Variants in PRPF40B observed in about 807,000 individuals in gnomAD.
The protein encoded by PRPF40B is pre-mRNA processing factor 40B, also known as pre-mRNA-processing factor 40 homolog B.
In PRPF40B, 56 loss-of-function variants were observed where a neutral mutation model predicts 124.5. The observed-to-expected ratio is 0.45, with a 90% CI of 0.36 to 0.56. The LOEUF (loss-of-function observed/expected upper bound fraction) is 0.56. Among genes scored for constraint, PRPF40B ranks in the 20% least tolerant of loss-of-function variants. PRPF40B has a pLI of 0.00. For missense variants in PRPF40B, 1,053 were observed against 1,169.5 expected (o/e 0.90, Z 1.45); for synonymous variants, 443 against 426.4 (o/e 1.04, Z -0.48).
chr12:49,630,640 T>G lies in PRPF40B; in HGVS notation c.84+15T>G, dbSNP rs1448892135. ...CACCACCCTTCGTAAGTTTTATGTCTTTCCCTGGGCTTGGCTTTTCCAGCC... is the reference window on the plus strand; with the variant it reads ...CACCACCCTTCGTAAGTTTTATGTCGTTCCCTGGGCTTGGCTTTTCCAGCC... On this transcript the variant is annotated intron_variant, in intron 2 of 25. Transcript: ENST00000548825. The G allele has an allele frequency of 1.6e-6, 2 of 1,251,806 alleles. No individual in the cohort carries two copies. Among genetic ancestry groups the G allele is most frequent in the Non-Finnish European group, 2.3e-6 (2 of 852,190 alleles). The allele number at this position is 1,251,806 out of a possible 1,614,324, so 77.5% of individuals were successfully genotyped here.
Position 49,643,858 on chromosome 12 carries a change from C to G in PRPF40B, c.2443-3C>G, listed in dbSNP as rs1364417265. The G allele has an allele frequency of 1.2e-6, 2 of 1,614,044 alleles. No individual in the cohort carries two copies. Among genetic ancestry groups the G allele is most frequent in the Non-Finnish European group, 1.7e-6 (2 of 1,180,012 alleles). On this transcript the variant is annotated splice_region_variant and splice_polypyrimidine_tract_variant and intron_variant, in intron 24 of 25. Transcript: ENST00000548825. ...TGAGGAGGTGGGCTCTGGACTCTTA[C>G]AGAATAGTCCTGAGAGTGAGACAGA...
intron 18 of PRPF40B, chr12:49,638,395 C>G (rs1490254241): frequency 6.6e-6 from 1 of 152,388 alleles, no homozygotes; most frequent in Non-Finnish European, 1.5e-5. Flanking sequence ...ATTCTGCAGA[C>G]TCAAGCTGAG....
chr12:49,634,946 C>T, intron 12 of PRPF40B, 153 bp from the exon 13 acceptor site: 1 of 807,748 alleles, frequency 1.2e-6, no homozygotes, highest in Middle Eastern at 3.7e-4. Context: ...CTTCCTGTCA[C>T]CCCTACTTCT....
chr12:49,637,194 T>TG (rs1941945615), intron 16 of PRPF40B: 1 of 574,842 alleles, frequency 1.7e-6, no homozygotes, highest in Non-Finnish European at 3.1e-6. Flanking sequence ...GTGGTGGTAG[T>TG]GCTAGGGGTT....
Position 49,635,076 on chromosome 12 carries a change from C to T in PRPF40B, c.1002-23C>T, listed in dbSNP as rs138578761. On this transcript the variant is annotated intron_variant, in intron 12 of 25. Coordinates refer to ENST00000548825, the MANE Select transcript of PRPF40B (RefSeq NM_001031698.3). This position sits in a 1 kb window ranked among gnomAD's most constrained non-coding sequence, Gnocchi z 4.1. Reference sequence around the variant, plus strand: ...GTTCGGGTGACTTCTCTATCCCCACCCCACTCCTACCCTCTATCCCAGTGC... The same window carrying T: ...GTTCGGGTGACTTCTCTATCCCCACTCCACTCCTACCCTCTATCCCAGTGC... The T allele has an allele frequency of 6.2e-7, 1 of 1,601,032 alleles. No individual in the cohort carries two copies. Among genetic ancestry groups the T allele is most frequent in the East Asian group, 2.2e-5 (1 of 44,834 alleles).
chr12:49,632,987 C>A (rs1170344844), intron 6 of PRPF40B, 27 bp from the exon 7 acceptor site: 2 of 1,575,994 alleles, frequency 1.3e-6, no homozygotes, highest in Non-Finnish European at 8.7e-7. Flanking sequence ...GCCTTGACCA[C>A]CATTCTGTGC....
chr12:49,633,914 C>T lies in PRPF40B; in HGVS notation c.634C>T (p.Leu212Phe). The T allele has an allele frequency of 6.2e-7, 1 of 1,614,228 alleles. No individual in the cohort carries two copies. The highest frequency in any genetic ancestry group is 8.5e-7 in the Non-Finnish European group (1 of 1,180,028). ...ACAGCAGCAGCAGCTGCCACAGACA[C>T]TTCAGCCACAGCCACCTCAGCCACA... Reference protein sequence around the residue: ...GKQQQQLPQTLQPQPPQPQPD... With the variant: ...GKQQQQLPQTFQPQPPQPQPD... The change falls in exon 10 of 26, where the codon CTT becomes TTT. Residue 212 changes from leucine to phenylalanine, a missense_variant. Physicochemically the swap from Leu to Phe is conservative, Grantham distance 22 (BLOSUM62 0). This residue lies in a region of PRPF40B where 895 missense variants were observed against 1,052.2 expected (regional missense o/e 0.85). Transcript: ENST00000548825.
Position 49,642,245 on chromosome 12 carries a change from A to G in PRPF40B, c.1895A>G (p.Lys632Arg). The G allele has an allele frequency of 6.2e-7, 1 of 1,614,168 alleles. No homozygotes were observed. Among genetic ancestry groups the G allele is most frequent in the Non-Finnish European group, 8.5e-7 (1 of 1,180,014 alleles). ...CCCTTCTTTCCTCAGCTGCTGGAGA[A>G]AGCAGAGGCACGGGAGAGGGAGCGG... ...IKLTFNSLLE[K>R]AEAREREREK... The change falls in exon 20 of 26, where the codon AAA (lysine) becomes AGA (arginine). Residue 632 changes from lysine (K) to arginine (R), a missense_variant. Lys to Arg is a conservative substitution (Grantham distance 26, BLOSUM62 2). This residue lies in a region of PRPF40B where 895 missense variants were observed against 1,052.2 expected (regional missense o/e 0.85). Transcript: ENST00000548825. The surrounding 1 kb of genome is among the most constrained non-coding windows in gnomAD (Gnocchi z 5.8).
Position 49,644,255 on chromosome 12 carries a change from G to A in PRPF40B, c.*63G>A, listed in dbSNP as rs559020449. On this transcript the variant is annotated 3_prime_UTR_variant, in exon 26 of 26. Coordinates refer to ENST00000548825, the MANE Select transcript of PRPF40B (RefSeq NM_001031698.3). ...CCATGGCTCCTGGGCCACCCTCACC[G>A]TCTGCCTCAGACTTCTTCCTTAGTC... 9.2e-5 allele frequency: 144 copies of A among 1,562,682 alleles called. No homozygotes were observed. The African/African-American group carries it at 1.7e-3, about 18-fold the overall frequency.
chr12:49,640,272 T>C (rs954358950), intron 18 of PRPF40B: 9 of 152,192 alleles, frequency 5.9e-5, no homozygotes, highest in African/African-American at 2.2e-4. Flanking sequence ...CTGTTGAATT[T>C]TAAGTGTCTG....
rs1941312356 is a variant in PRPF40B, at chr12:49,632,442, C to T, written c.295-154C>T. 6.5e-6 allele frequency: 5 copies of T among 764,160 alleles called. No homozygotes were observed. In the East Asian group the frequency reaches 1.3e-4, roughly 19 times the overall value. The allele number at this position is 764,160 out of a possible 1,614,324, so 47.3% of individuals were successfully genotyped here. On this transcript the variant is annotated intron_variant, in intron 4 of 25. Transcript: ENST00000548825. ...CTCCCTTGGGATCCCAGAGCTATGG[C>T]CCTGAAGGGTGGGGGAAGCCTGTTA...
intron 1 of PRPF40B, 196 bp downstream of exon 1, chr12:49,623,789 G>A: frequency 5.8e-6 from 7 of 1,198,254 alleles, no homozygotes; most frequent in Non-Finnish European, 7.2e-6. Flanking sequence ...GGGCGGGGGA[G>A]GCCATGATGG....
In PRPF40B at chr12:49,642,864, G is replaced by C. The variant is rs747709059; in HGVS notation, c.2119-66G>C. Reference sequence around the variant, plus strand: ...AAAGGGAGGCAAAGCCAGATTTTAGGAAGTAGGATCCTTCCTGGGGCTAAG... The same window carrying C: ...AAAGGGAGGCAAAGCCAGATTTTAGCAAGTAGGATCCTTCCTGGGGCTAAG... On this transcript the variant is annotated intron_variant, in intron 21 of 25. Transcript: ENST00000548825. The surrounding 1 kb of genome is among the most constrained non-coding windows in gnomAD (Gnocchi z 5.8). 27 of 1,535,322 alleles carry C rather than the reference G, an allele frequency of 1.8e-5. No homozygotes were observed. The highest frequency in any genetic ancestry group is 2.3e-5 in the Non-Finnish European group (26 of 1,128,262).
At position 49,642,385 on chromosome 12, in the gene PRPF40B, G is replaced by A; in HGVS notation, c.2022+13G>A. The A allele has an allele frequency of 1.2e-6, 2 of 1,612,998 alleles. No homozygotes were observed. Among genetic ancestry groups the A allele is most frequent in the East Asian group, 2.2e-5 (1 of 44,852 alleles). ...TGCCTGGGAAGAGGTCAGGAGCGTA[G>A]CCTGGCCCCAAGCACCCCTCAAGCC... On this transcript the variant is annotated intron_variant, in intron 20 of 25. Transcript: ENST00000548825. The surrounding 1 kb of genome is among the most constrained non-coding windows in gnomAD (Gnocchi z 5.8).
intron 1 of PRPF40B, among the ~76,000 whole-genome samples, chr12:49,630,131 C>T (rs1031110537): frequency 3.3e-5 from 5 of 152,232 alleles, no homozygotes; most frequent in South Asian, 2.1e-4. Flanking sequence ...AGAAAAGAGG[C>T]GACTCCCTCC....
chr12:49,625,776 C>T (rs2138380078), intron 1 of PRPF40B, among the ~76,000 whole-genome samples: 1 of 152,320 alleles, frequency 6.6e-6, no homozygotes, highest in South Asian at 2.1e-4. Context: ...ATATCCTTCC[C>T]TGTCACTAGT....
At chr12:49,628,579 T>TTTG (rs1940940190) in intron 1 of PRPF40B, among the ~76,000 whole-genome samples, 1 of 148,456 alleles carries the variant, frequency 6.7e-6, no homozygotes, top group African/African-American at 2.5e-5. Context: ...TTTTTTTTTT[T>TTTG]TGGAGACGAA....
At position 49,635,078 on chromosome 12, in the gene PRPF40B, C is replaced by G; in HGVS notation, c.1002-21C>G. 2.5e-6 allele frequency: 4 copies of G among 1,602,318 alleles called. No homozygotes were observed. Among genetic ancestry groups the G allele is most frequent in the Non-Finnish European group, 3.4e-6 (4 of 1,175,110 alleles). On this transcript the variant is annotated intron_variant, in intron 12 of 25. Transcript: ENST00000548825. This position sits in a 1 kb window ranked among gnomAD's most constrained non-coding sequence, Gnocchi z 4.1. ...TCGGGTGACTTCTCTATCCCCACCC[C>G]ACTCCTACCCTCTATCCCAGTGCCT...
At chr12:49,637,137 G>C in intron 16 of PRPF40B, 2 of 576,988 alleles carry the variant, frequency 3.5e-6, no homozygotes, top group Non-Finnish European at 6.1e-6. Flanking sequence ...CCCTTGGTGG[G>C]GCACCCGACA....
Sources: gnomAD v4.1 joint callset for allele counts (sites outside exome capture counted in the v4.1 genomes callset) on GRCh38, gnomAD v4.1.1 for gene constraint, gnomAD v4.1.1 regional missense constraint, Gnocchi (gnomAD v3.1) non-coding constraint, MANE v1.5 for transcripts, NCBI Gene and HGNC (gene_info 2026-07-23, HGNC 2026-07-21) for gene names.